The following TAFA5 variants were observed in gnomAD, a reference collection of about 807,000 sequenced individuals.
TAFA5 encodes the protein chemokine-like protein TAFA-5.
In TAFA5, 6 loss-of-function variants were observed where a neutral mutation model predicts 15.3. That is an observed-to-expected ratio of 0.39 (90% confidence interval 0.21 to 0.77). The LOEUF (loss-of-function observed/expected upper bound fraction) is 0.77, where lower values mean the gene tolerates loss of function less well. Ranked by LOEUF, TAFA5 falls within the 30% of genes least tolerant of loss-of-function variation. TAFA5 has a pLI of 0.41. For synonymous variants in TAFA5, 103 were observed against 80.7 expected (o/e 1.28, Z -1.48); for missense variants, 161 against 193.1 (o/e 0.83, Z 0.98).
intron 2 of TAFA5, among the ~76,000 whole-genome samples, chr22:48,683,753 G>A (rs914636040): frequency 5.3e-5 from 8 of 152,226 alleles, no homozygotes; most frequent in African/African-American, 1.4e-4. Context: ...ATGTTGAATT[G>A]TAATCCCCAC....
intron 3 of TAFA5, among the ~76,000 whole-genome samples, chr22:48,714,257 A>G (rs1929339632): frequency 6.6e-6 from 1 of 152,204 alleles, no homozygotes; most frequent in African/African-American, 2.4e-5. Context: ...GGGACACGAA[A>G]GGGGGAAAAT....
chr22:48,576,088 C>G (rs1787272610), intron 1 of TAFA5, among the ~76,000 whole-genome samples: 1 of 139,490 alleles, frequency 7.2e-6, no homozygotes, highest in African/African-American at 2.6e-5. Flanking sequence ...CGCGGCCCGC[C>G]GTCCGGGCCC....
intron 2 of TAFA5, among the ~76,000 whole-genome samples, chr22:48,675,490 C>T (rs1927943654): frequency 6.6e-6 from 1 of 152,248 alleles, no homozygotes; most frequent in African/African-American, 2.4e-5. Flanking sequence ...GAGGCATATT[C>T]CTGTTATCAG....
chr22:48,653,864 C>T lies in TAFA5; in HGVS notation c.262+7118C>T, dbSNP rs141792073. Among the ~76,000 whole-genome samples, 218 of 150,256 alleles carry T rather than the reference C, an allele frequency of 1.5e-3. 1 individual carries two copies. Among genetic ancestry groups the T allele is most frequent in the African/African-American group, 4.9e-3 (202 of 40,984 alleles). ...CCAGCATTCACGGGCACTACGTGAG[C>T]GTCACCAGATGGCAGCTGGGGTTGG... On this transcript the variant is annotated intron_variant, in intron 2 of 3. Coordinates refer to ENST00000402357, the MANE Select transcript of TAFA5 (RefSeq NM_001082967.3).
chr22:48,623,949 T>G (rs996737100), intron 1 of TAFA5, among the ~76,000 whole-genome samples: 1 of 152,238 alleles, frequency 6.6e-6, no homozygotes, highest in African/African-American at 2.4e-5. Flanking sequence ...GAACTGGCAT[T>G]GGCTTGTCAT....
intron 1 of TAFA5, among the ~76,000 whole-genome samples, chr22:48,494,633 CT>C (rs1928264017): frequency 6.6e-6 from 1 of 152,320 alleles, no homozygotes; most frequent in South Asian, 2.1e-4. Flanking sequence ...CAAGGGCCCC[CT>C]GATCTGCCCC....
chr22:48,731,464 C>T (rs1474601022), intron 3 of TAFA5, among the ~76,000 whole-genome samples: 1 of 152,256 alleles, frequency 6.6e-6, no homozygotes, highest in African/African-American at 2.4e-5. Flanking sequence ...AGAGAGAAGT[C>T]AGTGCCTGGT....
chr22:48,636,107 T>G (rs1014529939), intron 1 of TAFA5, among the ~76,000 whole-genome samples: 2 of 152,218 alleles, frequency 1.3e-5, no homozygotes, highest in Admixed American at 6.5e-5. Flanking sequence ...CAGCTGAAGA[T>G]TCCAGAAGGG....
intron 2 of TAFA5, among the ~76,000 whole-genome samples, chr22:48,671,640 C>T (rs1025771376): frequency 6.6e-6 from 1 of 152,140 alleles, no homozygotes; most frequent in African/African-American, 2.4e-5. Context: ...CAGACATGAA[C>T]AGACACATTT....
chr22:48,714,010 C>T (rs1340389249), intron 3 of TAFA5, among the ~76,000 whole-genome samples: 1 of 152,226 alleles, frequency 6.6e-6, no homozygotes, highest in Non-Finnish European at 1.5e-5. Context: ...CCAGTCCTCC[C>T]GTGTCTGTGC....
intron 2 of TAFA5, among the ~76,000 whole-genome samples, chr22:48,683,920 C>G (rs57208497): frequency 6.6e-6 from 1 of 152,114 alleles, no homozygotes; most frequent in Non-Finnish European, 1.5e-5. Flanking sequence ...CCATGTGAGA[C>G]GTGCCTGCTT....
chr22:48,593,917 C>G (rs556069033), intron 1 of TAFA5, among the ~76,000 whole-genome samples: 1 of 152,340 alleles, frequency 6.6e-6, no homozygotes, highest in African/African-American at 2.4e-5. Context: ...CGCTGCAGCC[C>G]AAGGAGACCT....
intron 1 of TAFA5, among the ~76,000 whole-genome samples, chr22:48,537,569 G>A (rs775068209): frequency 9.8e-5 from 15 of 152,376 alleles, no homozygotes; most frequent in Middle Eastern, 3.4e-3. Flanking sequence ...AGTTGGATAA[G>A]GCTCCTGGGA....
intron 1 of TAFA5, among the ~76,000 whole-genome samples, chr22:48,522,556 G>A (rs914067176): frequency 7.9e-5 from 12 of 152,290 alleles, no homozygotes; most frequent in Admixed American, 6.5e-4. Flanking sequence ...GGGTGGGCGC[G>A]GGGCCAGGCA....
chr22:48,684,864 C>G (rs1157201466), intron 2 of TAFA5, among the ~76,000 whole-genome samples: 2 of 152,244 alleles, frequency 1.3e-5, no homozygotes, highest in Non-Finnish European at 2.9e-5. Flanking sequence ...CCCAGAGGAG[C>G]TTCCCAGAGC....
intron 1 of TAFA5, among the ~76,000 whole-genome samples, chr22:48,553,174 C>A (rs570317580): frequency 6.6e-6 from 1 of 152,290 alleles, no homozygotes; most frequent in East Asian, 1.9e-4. Flanking sequence ...GCCCAAATGC[C>A]GCCTCGTCAG....
At chr22:48,633,470 C>T (rs1430929478) in intron 1 of TAFA5, among the ~76,000 whole-genome samples, 2 of 152,144 alleles carry the variant, frequency 1.3e-5, no homozygotes, top group Non-Finnish European at 2.9e-5. Flanking sequence ...ACCTCCCTCT[C>T]TCTCGAGCTC....
At chr22:48,599,432 G>A (rs949957931) in intron 1 of TAFA5, among the ~76,000 whole-genome samples, 1 of 152,256 alleles carries the variant, frequency 6.6e-6, no homozygotes, top group African/African-American at 2.4e-5. Flanking sequence ...GCCATGGGCA[G>A]GTTGGGCGTC....
At chr22:48,677,360 G>A (rs908355217) in intron 2 of TAFA5, among the ~76,000 whole-genome samples, 1 of 152,260 alleles carries the variant, frequency 6.6e-6, no homozygotes, top group African/African-American at 2.4e-5. Flanking sequence ...TGCAGTTCTG[G>A]GGATGGGGAT....
Sources: gnomAD v4.1 joint callset for allele counts (sites outside exome capture counted in the v4.1 genomes callset) on GRCh38, gnomAD v4.1.1 for gene constraint, MANE v1.5 for transcripts, NCBI Gene and HGNC (gene_info 2026-07-23, HGNC 2026-07-21) for gene names.